Variants in INTS6 observed in about 807,000 individuals in gnomAD.
INTS6 encodes DEAD box protein.
INTS6 carries 16 observed loss-of-function variants against 104.9 expected under a neutral mutation model. The observed-to-expected ratio is 0.15, with a 90% CI of 0.10 to 0.23. INTS6 has a LOEUF of 0.23. Ranked by LOEUF, INTS6 falls within the 10% of genes least tolerant of loss-of-function variation. The pLI is 1.00. For missense variants in INTS6, 584 were observed against 1,062.8 expected (o/e 0.55, Z 6.26); for synonymous variants, 324 against 358.7 (o/e 0.90, Z 1.09).
chr13:51,365,717 A>C lies in INTS6; in HGVS notation c.*35T>G. On this transcript the variant is annotated 3_prime_UTR_variant, in exon 18 of 18. Transcript: ENST00000311234. ...CTTGTATTTACTTTGTATTTGAAGA[A>C]GATAGTGAAATAAGTGGCCACATTC... The C allele has an allele frequency of 8.7e-7, 1 of 1,145,780 alleles. No homozygotes were observed. Among genetic ancestry groups the C allele is most frequent in the Non-Finnish European group, 1.3e-6 (1 of 782,588 alleles). 71.0% of individuals were successfully genotyped at this position (1,145,780 alleles called of 1,614,324 possible).
intron 3 of INTS6, chr13:51,447,419 G>C (rs1952940492): frequency 6.6e-6 from 1 of 152,040 alleles, no homozygotes; most frequent in Non-Finnish European, 1.5e-5. Flanking sequence ...AAATAAAATT[G>C]GTTAAAATTC....
At position 51,365,234 on chromosome 13, in the gene INTS6, G is replaced by A. The variant is rs1307268174; in HGVS notation, c.*518C>T. On this transcript the variant is annotated 3_prime_UTR_variant, in exon 18 of 18. Transcript: ENST00000311234. Reference sequence around the variant, plus strand: ...TCCTAAACCACACAAGAGTAAAATAGAGCATTTATTGATGGAATAACAAAA... The same window carrying A: ...TCCTAAACCACACAAGAGTAAAATAAAGCATTTATTGATGGAATAACAAAA... 6.6e-6 allele frequency: 1 copy of A among 152,494 alleles called. No homozygotes were observed. Among genetic ancestry groups the A allele is most frequent in the Non-Finnish European group, 1.5e-5 (1 of 67,980 alleles). 9.4% of individuals were successfully genotyped at this position (152,494 alleles called of 1,614,324 possible).
intron 4 of INTS6, among the ~76,000 whole-genome samples, chr13:51,411,375 G>A (rs968088541): frequency 1.3e-5 from 2 of 151,348 alleles, no homozygotes; most frequent in African/African-American, 4.9e-5. Flanking sequence ...CCAACATGGT[G>A]AAACCCGTCT....
In INTS6 at chr13:51,389,458, A is replaced by AAAG. The variant is rs368336972; in HGVS notation, c.614-17_614-15dup. ...AATATGAACGGCCTGAGATTAAAAA[A>AAAG]AAGAAGAAGAAGAAGAAGAAGAATA... On this transcript the variant is annotated splice_polypyrimidine_tract_variant and intron_variant, in intron 5 of 17. Transcript: ENST00000311234. 3,955 of 1,576,996 alleles carry AAAG rather than the reference A, an allele frequency of 2.5e-3. 39 individuals carry two copies. In the African/African-American group the frequency reaches 0.03, roughly 12 times the overall value.
intron 3 of INTS6, chr13:51,450,149 T>G (rs895802744): frequency 4.1e-6 from 4 of 984,768 alleles, no homozygotes; most frequent in Non-Finnish European, 4.8e-6. Context: ...AATATATAAT[T>G]AGGAATAGTG....
chr13:51,374,858 C>A, intron 13 of INTS6, 62 bp from the exon 14 acceptor site: 1 of 1,544,028 alleles, frequency 6.5e-7, no homozygotes, highest in South Asian at 1.2e-5. Flanking sequence ...AATAATGTTT[C>A]CTTATATATG....
At chr13:51,437,243 T>A (rs960497531) in intron 3 of INTS6, 1 of 152,206 alleles carries the variant, frequency 6.6e-6, no homozygotes, top group African/African-American at 2.4e-5. Context: ...AAGAAATCTG[T>A]CTAGTCTCTC....
chr13:51,375,476 TAAA>T (rs35989339), intron 13 of INTS6, among the ~76,000 whole-genome samples: 2 of 146,430 alleles, frequency 1.4e-5, no homozygotes, highest in Admixed American at 1.3e-4. Context: ...TACAGTATGG[TAAA>T]AAAAAAAAAA....
In INTS6 at chr13:51,365,854, A is replaced by C; in HGVS notation, c.2571-9T>G. 1 of 1,510,118 alleles carries C rather than the reference A, an allele frequency of 6.6e-7. No individual in the cohort carries two copies. The highest frequency in any genetic ancestry group is 9.1e-7 in the Non-Finnish European group (1 of 1,096,144). 93.5% of individuals were successfully genotyped at this position (1,510,118 alleles called of 1,614,324 possible). ...GCATTCGTTTTTTAAACCTGTATGA[A>C]AAAATAAATAGTACTCTCAATTACT... On this transcript the variant is annotated splice_polypyrimidine_tract_variant and intron_variant, in intron 17 of 17. Transcript: ENST00000311234.
At position 51,382,088 on chromosome 13, in the gene INTS6, A is replaced by G; in HGVS notation, c.1216T>C (p.Leu406=). The part of the protein sequence containing the change: ...LFKVHKAKPT[L]KWRQSFESYL... ...CTTTCAAATGACTGTCTCCACTTCAATGTTGGTTTTGCTTTATGCACTTTA... is the reference window on the plus strand; with the variant it reads ...CTTTCAAATGACTGTCTCCACTTCAGTGTTGGTTTTGCTTTATGCACTTTA... The change falls in exon 10 of 18, where the codon TTG becomes CTG. Residue 406 remains leucine, a synonymous_variant. Coordinates refer to ENST00000311234, the MANE Select transcript of INTS6 (RefSeq NM_012141.3). 3 of 1,611,998 alleles carry G rather than the reference A, an allele frequency of 1.9e-6. No homozygotes were observed. Among genetic ancestry groups the G allele is most frequent in the African/African-American group, 1.3e-5 (1 of 75,002 alleles).
chr13:51,411,813 C>G (rs1301307326), intron 4 of INTS6, among the ~76,000 whole-genome samples: 2 of 152,100 alleles, frequency 1.3e-5, no homozygotes, highest in East Asian at 3.9e-4. Flanking sequence ...CAATTATGCT[C>G]GTAGGTATAC....
chr13:51,384,703 A>C (rs1390819659), intron 7 of INTS6: 4 of 456,602 alleles, frequency 8.8e-6, no homozygotes, highest in East Asian at 6.9e-5. Flanking sequence ...ACTGTCACAA[A>C]GACCTGGATA....
Position 51,395,363 on chromosome 13 carries a change from C to G in INTS6, c.550G>C (p.Glu184Gln). ...TCTAAAGGCACACCTGTCAACTGTT[C>G]TGATTCTACTGACATGGTGCCAGGC... is the stretch of plus-strand genomic sequence containing the variant. The part of the protein sequence containing the change: ...RLPGTMSVES[E>Q]QLTGVPLDDS... The change falls in exon 5 of 18, where the codon GAA (glutamate) becomes CAA (glutamine). Residue 184 changes from glutamate to glutamine, a missense_variant. By Grantham distance (29) the Glu-to-Gln change is conservative. This residue lies in a region of INTS6 where 144 missense variants were observed against 348.7 expected (regional missense o/e 0.41). Coordinates refer to ENST00000311234, the MANE Select transcript of INTS6 (RefSeq NM_012141.3). 2 of 1,613,988 alleles carry G rather than the reference C, an allele frequency of 1.2e-6. No homozygotes were observed. Among genetic ancestry groups the G allele is most frequent in the Non-Finnish European group, 1.7e-6 (2 of 1,179,934 alleles).
chr13:51,436,786 A>G (rs1316032628), intron 3 of INTS6: 1 of 152,238 alleles, frequency 6.6e-6, no homozygotes. Flanking sequence ...TTTGAGTTTT[A>G]TACTTGAACT....
intron 15 of INTS6, among the ~76,000 whole-genome samples, chr13:51,372,002 T>C (rs1955815756): frequency 6.6e-6 from 1 of 152,044 alleles, no homozygotes; most frequent in African/African-American, 2.4e-5. Context: ...ATTTTCAACC[T>C]CTCCCTCTTT....
the INTS6 span, among the ~76,000 whole-genome samples, chr13:51,334,641 A>G: frequency 6.6e-6 from 1 of 152,220 alleles, no homozygotes; most frequent in Non-Finnish European, 1.5e-5. Context: ...AAGCTAAATC[A>G]ACTTTTAAAA....
chr13:51,352,491 A>T (rs1024541399), downstream of INTS6, among the ~76,000 whole-genome samples: 1 of 150,548 alleles, frequency 6.6e-6, no homozygotes, highest in Admixed American at 6.6e-5. Context: ...GTGTGTGTGG[A>T]TTCTTTAGGG....
intron 3 of INTS6, chr13:51,444,823 A>G (rs1412680108): frequency 7.0e-6 from 1 of 143,370 alleles, no homozygotes; most frequent in Non-Finnish European, 1.5e-5. Flanking sequence ...TTTTCAGATC[A>G]TGACTGGAGA....
At chr13:51,383,523 T>G in intron 8 of INTS6, 62 bp from the exon 9 acceptor site, 1 of 1,604,794 alleles carries the variant, frequency 6.2e-7, no homozygotes. Context: ...AAACCATTGA[T>G]TCAATTCAGC....
Sources: gnomAD v4.1 joint callset for allele counts (sites outside exome capture counted in the v4.1 genomes callset) on GRCh38, gnomAD v4.1.1 for gene constraint, gnomAD v4.1.1 regional missense constraint, MANE v1.5 for transcripts, NCBI Gene and HGNC (gene_info 2026-07-23, HGNC 2026-07-21) for gene names.